The following CCDC66 variants were observed in gnomAD, a reference collection of about 807,000 sequenced individuals.
The protein encoded by CCDC66 is coiled-coil domain containing 66.
CCDC66 carries 133 observed loss-of-function variants against 128.3 expected under a neutral mutation model. The observed-to-expected ratio is 1.04, with a 90% confidence interval of 0.90 to 1.20. The LOEUF (loss-of-function observed/expected upper bound fraction) is 1.20, where lower values mean the gene tolerates loss of function less well. CCDC66 is among the 50% of genes most tolerant of loss of function. The probability of loss-of-function intolerance (pLI) is 0.00; values close to 1 mark genes in which losing one functional copy is unlikely to be tolerated. For missense variants in CCDC66, 1,126 were observed against 1,075.5 expected (o/e 1.05, Z -0.66); for synonymous variants, 387 against 357.0 (o/e 1.08, Z -0.95).
intron 7 of CCDC66, among the ~76,000 whole-genome samples, chr3:56,573,078 A>G (rs1369625010): frequency 6.6e-6 from 1 of 152,206 alleles, no homozygotes; most frequent in Non-Finnish European, 1.5e-5. Context: ...AATCTGTAAT[A>G]CTAAAAATGT....
intron 6 of CCDC66, among the ~76,000 whole-genome samples, chr3:56,567,627 C>G (rs2066041304): frequency 6.6e-6 from 1 of 152,104 alleles, no homozygotes; most frequent in Non-Finnish European, 1.5e-5. Flanking sequence ...GGGGTTGGAG[C>G]ATGGCAAAAC....
At chr3:56,591,855 T>G (rs1335327409) in intron 7 of CCDC66, among the ~76,000 whole-genome samples, 1 of 152,230 alleles carries the variant, frequency 6.6e-6, no homozygotes, top group Non-Finnish European at 1.5e-5. Context: ...GGGAAGAAAG[T>G]AACATTGTGA....
At chr3:56,616,942 G>A (rs930541664) in intron 13 of CCDC66, 170 bp from the exon 14 acceptor site, 7 of 471,446 alleles carry the variant, frequency 1.5e-5, no homozygotes, top group African/African-American at 1.2e-4. Context: ...GCTGCCAGTG[G>A]TTGGGAGTAT....
intron 10 of CCDC66, among the ~76,000 whole-genome samples, chr3:56,612,873 T>C (rs966052213): frequency 6.3e-4 from 96 of 152,184 alleles, no homozygotes; most frequent in African/African-American, 2.2e-3. Context: ...GCCCCCGGGT[T>C]CCCAAGGTGT....
intron 10 of CCDC66, among the ~76,000 whole-genome samples, chr3:56,601,005 A>C (rs2073063999): frequency 6.6e-6 from 1 of 151,894 alleles, no homozygotes; most frequent in African/African-American, 2.4e-5. Flanking sequence ...TGTCAATTTC[A>C]GCTTTTGTTG....
chr3:56,572,424 T>G (rs1016363104), intron 7 of CCDC66: 7 of 1,283,328 alleles, frequency 5.5e-6, no homozygotes, highest in Non-Finnish European at 7.1e-6. Context: ...AGTCAGACTT[T>G]AGAGGTAAGT....
intron 14 of CCDC66, 77 bp from the exon 15 acceptor site, chr3:56,618,095 A>G (rs1219633964): frequency 4.5e-6 from 5 of 1,108,926 alleles, no homozygotes; most frequent in Non-Finnish European, 6.9e-6. Flanking sequence ...TATTTCAACA[A>G]GTAGCCCTAA....
intron 3 of CCDC66, 71 bp from the exon 4 acceptor site, chr3:56,563,613 C>A: frequency 8.0e-7 from 1 of 1,242,848 alleles, no homozygotes; most frequent in Non-Finnish European, 1.1e-6. Flanking sequence ...TGATTTATCA[C>A]AGATCATATA....
At chr3:56,573,832 T>C (rs922552462) in intron 7 of CCDC66, among the ~76,000 whole-genome samples, 1 of 4,918 alleles carries the variant, frequency 2.0e-4, no homozygotes, top group Non-Finnish European at 2.2e-3. Flanking sequence ...TTGGGGTCCT[T>C]GGCCAAGAGA....
At position 56,617,535 on chromosome 3, in the gene CCDC66, T is replaced by A; in HGVS notation, c.2267T>A (p.Ile756Asn). The change falls in exon 14 of 18, where the codon ATT (isoleucine) becomes AAT (asparagine). Residue 756 changes from isoleucine (I) to asparagine (N), a missense_variant. Transcript: ENST00000394672. ...NPGHLSQNRG[I>N]SPEIFHSSHQ... ...GGGCACCTCTCTCAAAACAGAGGCA[T>A]TTCACCAGAAATTTTTCATTCATCT... 1.2e-6 allele frequency: 2 copies of A among 1,610,340 alleles called. No individual in the cohort carries two copies. The highest frequency in any genetic ancestry group is 1.7e-6 in the Non-Finnish European group (2 of 1,179,188).
In CCDC66 at chr3:56,615,984, G is replaced by C. The variant is rs4681904; in HGVS notation, c.1774G>C (p.Glu592Gln). The change falls in exon 13 of 18, where the codon GAA (glutamate) becomes CAA (glutamine). Residue 592 changes from glutamate (E) to glutamine (Q), a missense_variant. Glu to Gln is a conservative substitution (Grantham distance 29, BLOSUM62 2). Transcript: ENST00000394672. ...TTCAAATTCAAGACATGATTCTGAT[G>C]AAATCAGTGGTAAAATGAATACATA... ...NISNSRHDSD[E>Q]ISGKMNTYMN... 0.15 allele frequency: 231,275 copies of C among 1,586,506 alleles called. 23,454 individuals carry two copies. Among genetic ancestry groups the C allele is most frequent in the African/African-American group, 0.39 (28,454 of 73,788 alleles).
intron 7 of CCDC66, among the ~76,000 whole-genome samples, chr3:56,577,616 C>T (rs1219210709): frequency 6.6e-6 from 1 of 151,706 alleles, no homozygotes; most frequent in Non-Finnish European, 1.5e-5. Context: ...GGAAGGGGTC[C>T]AGTTTCAGTT....
intron 13 of CCDC66, 105 bp downstream of exon 13, chr3:56,616,158 A>G: frequency 1.0e-6 from 1 of 1,002,378 alleles, no homozygotes; most frequent in South Asian, 1.5e-5. Context: ...ACAAAACTTG[A>G]GGTTTTCAGT....
chr3:56,566,210 C>G (rs975727151), intron 4 of CCDC66, among the ~76,000 whole-genome samples: 2 of 152,068 alleles, frequency 1.3e-5, no homozygotes, highest in African/African-American at 4.8e-5. Flanking sequence ...CTGAAACCTC[C>G]ACCTCTTGGG....
At chr3:56,596,064 G>A (rs1174519612) in intron 10 of CCDC66, among the ~76,000 whole-genome samples, 2 of 152,070 alleles carry the variant, frequency 1.3e-5, no homozygotes, top group Non-Finnish European at 2.9e-5. Context: ...ACAAGCATGC[G>A]CCACCATGTC....
At chr3:56,559,011 A>G in intron 2 of CCDC66, 101 bp downstream of exon 2, 3 of 832,044 alleles carry the variant, frequency 3.6e-6, no homozygotes, top group Non-Finnish European at 5.6e-6. Context: ...GTGATATTTA[A>G]ATGATATTTT....
chr3:56,605,559 GTCCAT>G (rs924058833), intron 10 of CCDC66, among the ~76,000 whole-genome samples: 1 of 151,976 alleles, frequency 6.6e-6, no homozygotes, highest in African/African-American at 2.4e-5. Context: ...TTTGCTGGAG[GTCCAT>G]TCCATATCCT....
intron 7 of CCDC66, chr3:56,572,262 A>G: frequency 1.2e-6 from 1 of 838,752 alleles, no homozygotes; most frequent in Non-Finnish European, 1.7e-6. Flanking sequence ...TGTGATTTTT[A>G]AATTTTATCT....
chr3:56,563,659 G>C (rs762065557), intron 3 of CCDC66, 25 bp from the exon 4 acceptor site: 13 of 1,511,180 alleles, frequency 8.6e-6, no homozygotes, highest in Non-Finnish European at 1.2e-5. Context: ...CAGTTATAAA[G>C]AATAAGCTTC....
Sources: allele counts gnomAD v4.1 joint callset (sites outside exome capture counted in the v4.1 genomes callset), GRCh38; gene constraint gnomAD v4.1.1; transcripts MANE v1.5; gene names NCBI Gene and HGNC (gene_info 2026-07-23, HGNC 2026-07-21).